ATP2A3: variants seen among roughly 807,000 people sequenced by gnomAD.
ATP2A3 encodes ATPase sarcoplasmic/endoplasmic reticulum Ca2+ transporting 3.
ATP2A3 carries 61 observed loss-of-function variants against 106.8 expected under a neutral mutation model. The observed-to-expected ratio is 0.57, with a 90% CI of 0.46 to 0.71. The LOEUF is 0.71. Ranked by LOEUF, ATP2A3 falls within the 30% of genes least tolerant of loss-of-function variation. ATP2A3 has a pLI of 0.00. For synonymous variants in ATP2A3, 611 were observed against 609.3 expected (o/e 1.00, Z -0.04); for missense variants, 1,201 against 1,423.5 (o/e 0.84, Z 2.52).
intron 1 of ATP2A3, among the ~76,000 whole-genome samples, chr17:3,959,986 G>T (rs986743406): frequency 2.0e-5 from 3 of 152,306 alleles, no homozygotes; most frequent in African/African-American, 7.2e-5. Context: ...GCTCCTGGGG[G>T]GCTTCAGCTG....
At position 3,939,929 on chromosome 17, in the gene ATP2A3, GA is replaced by G. The variant is rs1035208861; in HGVS notation, c.2100+1041del. 5.5e-3 allele frequency among the ~76,000 whole-genome samples: 783 copies of G among 142,930 alleles called. 19 individuals carry two copies. The highest frequency in any genetic ancestry group is 0.03 in the Admixed American group (420 of 14,190). 93.8% of individuals were successfully genotyped at this position (142,930 alleles called of 152,430 possible). A position where few individuals can be genotyped will look rare whatever the true frequency, so the allele number is the denominator to read the frequency against. On this transcript the variant is annotated intron_variant, in intron 14 of 20. Transcript: ENST00000397041. ...AGGGCAGATAAAACTCATATACGGT[GA>G]AAAAAAAAACCGAAAACAGTGATCG...
rs528088841 is a variant in ATP2A3, at chr17:3,935,740, G to A, written c.2525-463C>T. Among the ~76,000 whole-genome samples the A allele has an allele frequency of 2.4e-4, 36 of 152,112 alleles. 1 individual carries two copies. Among genetic ancestry groups the A allele is most frequent in the South Asian group, 6.2e-4 (3 of 4,810 alleles). ...TTTAGTAGAGATGGGGTTTCACCAC[G>A]TTGGCCAGGCTGGTCTCAAACTCCT... On this transcript the variant is annotated intron_variant, in intron 16 of 20. Coordinates refer to ENST00000397041, the MANE Select transcript of ATP2A3 (RefSeq NM_005173.4).
chr17:3,931,368 C>G (rs544872283), intron 17 of ATP2A3, among the ~76,000 whole-genome samples: 1 of 152,206 alleles, frequency 6.6e-6, no homozygotes, highest in Non-Finnish European at 1.5e-5. Context: ...CAGAATCGTG[C>G]TAAGAGGCTG....
At chr17:3,944,077 C>T (rs1490772132) in intron 10 of ATP2A3, among the ~76,000 whole-genome samples, 2 of 152,170 alleles carry the variant, frequency 1.3e-5, no homozygotes, top group African/African-American at 4.8e-5. Flanking sequence ...CTCCCCTCTC[C>T]CCAAGGCTCC....
In ATP2A3 at chr17:3,953,351, G is replaced by C; in HGVS notation, c.215C>G (p.Ser72Cys). Residue 72 changes from serine to cysteine, a missense_variant, in exon 3 of 21, where the codon TCC becomes TGC. Transcript: ENST00000397041. The surrounding 1 kb of genome is among the most constrained non-coding windows in gnomAD (Gnocchi z 5.1). ...VRILLLAALV[S>C]FVLAWFEEGE... ...GGCTGGCAGGGCCCTACTTACAAAGGAGACAAGGGCAGCCAGCAGCAGGAT... is the reference window on the plus strand; with the variant it reads ...GGCTGGCAGGGCCCTACTTACAAAGCAGACAAGGGCAGCCAGCAGCAGGAT... 1 of 1,613,942 alleles carries C rather than the reference G, an allele frequency of 6.2e-7. No individual in the cohort carries two copies. The highest frequency in any genetic ancestry group is 8.5e-7 in the Non-Finnish European group (1 of 1,179,992).
chr17:3,951,543 A>ACCCCCCCCCCCCCCCCCCCCCCCC, intron 4 of ATP2A3, 38 bp downstream of exon 4: 9 of 1,387,000 alleles, frequency 6.5e-6, no homozygotes, highest in Non-Finnish European at 8.9e-6. Flanking sequence ...TGGCTGGGAG[A>ACCCCCCCCCCCCCCCCCCCCCCCC]CCGCCCCCCG....
intron 10 of ATP2A3, 117 bp downstream of exon 10, chr17:3,944,587 T>C (rs867020826): frequency 3.5e-5 from 36 of 1,037,776 alleles, no homozygotes; most frequent in African/African-American, 2.5e-4. Flanking sequence ...CCGTGCTCCC[T>C]GGGTGTGGCA....
At chr17:3,931,914 T>A (rs2053124275) in intron 17 of ATP2A3, among the ~76,000 whole-genome samples, 1 of 152,218 alleles carries the variant, frequency 6.6e-6, no homozygotes, top group Non-Finnish European at 1.5e-5. Context: ...TGATCTACTG[T>A]CTGTCGCATA....
At position 3,964,250 on chromosome 17, in the gene ATP2A3, G is replaced by T; in HGVS notation, c.42C>A (p.Arg14=). The T allele has an allele frequency of 7.8e-7, 1 of 1,284,914 alleles. No individual in the cohort carries two copies. Among genetic ancestry groups the T allele is most frequent in the South Asian group, 1.7e-5 (1 of 59,536 alleles). 79.6% of individuals were successfully genotyped at this position (1,284,914 alleles called of 1,614,324 possible). ...CGCCCTCGGCTGTCACCGAGAAGTG[G>T]CGCAGCACGTCGGCGGCCGGGAGCA... ...AHLLPAADVL[R]HFSVTAEGGL... The change falls in exon 1 of 21, where the codon CGC becomes CGA. Residue 14 remains arginine (R), a synonymous_variant. Transcript: ENST00000397041.
rs1378808853 is a variant in ATP2A3, at chr17:3,930,849, A to G, written c.2611-415T>C. The G allele has an allele frequency of 3.1e-6, 1 of 322,366 alleles. No individual in the cohort carries two copies. Among genetic ancestry groups the G allele is most frequent in the African/African-American group, 2.2e-5 (1 of 46,442 alleles). The allele number at this position is 322,366 out of a possible 1,614,324, so 20.0% of individuals were successfully genotyped here. A position where few individuals can be genotyped will look rare whatever the true frequency, so the allele number is the denominator to read the frequency against. ...GGCTACGCAGGCCCTGTTCACTGTT[A>G]TTAAGATTCCATTTACAGCTGGGCG... On this transcript the variant is annotated intron_variant, in intron 17 of 20. Transcript: ENST00000397041. The surrounding 1 kb of genome is among the most constrained non-coding windows in gnomAD (Gnocchi z 5.4).
chr17:3,927,940 G>A lies in ATP2A3; in HGVS notation c.2980+723C>T, dbSNP rs371734562. On this transcript the variant is annotated intron_variant, in intron 20 of 20. Transcript: ENST00000397041. ...CCCCTGCACAGCAGTCCAGCCATAC[G>A]GCCACCGCCTCTGCGCAAATTCCCA... 6.1e-5 allele frequency: 98 copies of A among 1,611,856 alleles called. 2 individuals carry two copies. The Middle Eastern group carries it at 9.9e-4, about 16-fold the overall frequency.
rs371442835 is a variant in ATP2A3 at position 3,929,331 on chromosome 17, C to T, written c.2859G>A (p.Leu953=). ...LHFLILLVPP[L]PLIFQVTPLS... is the part of the protein sequence containing the mutation. ...TGGGGCAGGCGGGGTGACTCACAGG[C>T]AGGGGCGGCACGAGCAGGATGAGGA... is the stretch of plus-strand genomic sequence containing the variant. Residue 953 remains leucine, a synonymous_variant, in exon 19 of 21, where the codon CTG becomes CTA. Coordinates refer to ENST00000397041, the MANE Select transcript of ATP2A3 (RefSeq NM_005173.4). This position sits in a 1 kb window ranked among gnomAD's most constrained non-coding sequence, Gnocchi z 4.3. The T allele has an allele frequency of 1.3e-6, 2 of 1,550,844 alleles. No individual in the cohort carries two copies. The highest frequency in any genetic ancestry group is 1.7e-6 in the Non-Finnish European group (2 of 1,147,438).
At position 3,951,676 on chromosome 17, in the gene ATP2A3, A is replaced by G; in HGVS notation, c.229T>C (p.Trp77Arg). The stretch of plus-strand genomic sequence containing the variant: ...GTGGTCTCCTCGCCCTCCTCGAACC[A>G]GGCCAGGACCTGCAGGATCACAGCT... The part of the protein sequence containing the change: ...LAALVSFVLA[W>R]FEEGEETTTA... The change falls in exon 4 of 21, where the codon TGG (tryptophan) becomes CGG (arginine). Residue 77 changes from tryptophan (W) to arginine (R), a missense_variant. By Grantham distance (101) the Trp-to-Arg change is moderately radical (BLOSUM62 -3). Coordinates refer to ENST00000397041, the MANE Select transcript of ATP2A3 (RefSeq NM_005173.4). 1.2e-6 allele frequency: 2 copies of G among 1,608,770 alleles called. No individual in the cohort carries two copies. The highest frequency in any genetic ancestry group is 8.5e-7 in the Non-Finnish European group (1 of 1,178,238).
chr17:3,928,413 G>A lies in ATP2A3; in HGVS notation c.2980+250C>T. The A allele has an allele frequency of 7.5e-7, 1 of 1,335,842 alleles. No homozygotes were observed. The highest frequency in any genetic ancestry group is 1.2e-5 in the South Asian group (1 of 81,568). The allele number at this position is 1,335,842 out of a possible 1,614,324, so 82.7% of individuals were successfully genotyped here. A position where few individuals can be genotyped will look rare whatever the true frequency, so the allele number is the denominator to read the frequency against. ...GGGGGTGGCAGGTGAAGACAGTGAG[G>A]CAGTGTGGCCCAAGAGGTGCTCCCG... On this transcript the variant is annotated intron_variant, in intron 20 of 20. Coordinates refer to ENST00000397041, the MANE Select transcript of ATP2A3 (RefSeq NM_005173.4). This position sits in a 1 kb window ranked among gnomAD's most constrained non-coding sequence, Gnocchi z 6.1.
In ATP2A3 at chr17:3,936,490, C is replaced by T; in HGVS notation, c.2322-21G>A. On this transcript the variant is annotated intron_variant, in intron 15 of 20. Coordinates refer to ENST00000397041, the MANE Select transcript of ATP2A3 (RefSeq NM_005173.4). The surrounding 1 kb of genome is among the most constrained non-coding windows in gnomAD (Gnocchi z 5.4). ...AGATGCTGGAACAGAGTCATGAGCT[C>T]TAGCCCCGGTAGGCCTAGCCCCCGG... 2.5e-6 allele frequency: 4 copies of T among 1,613,166 alleles called. No individual in the cohort carries two copies. The highest frequency in any genetic ancestry group is 3.4e-6 in the Non-Finnish European group (4 of 1,179,828).
chr17:3,959,750 G>A (rs1053755274), intron 1 of ATP2A3, among the ~76,000 whole-genome samples: 9 of 152,232 alleles, frequency 5.9e-5, no homozygotes, highest in African/African-American at 4.8e-5. Context: ...CTGTGTCTCC[G>A]GGGTCCACCT....
chr17:3,951,230 A>G, intron 5 of ATP2A3, 21 bp downstream of exon 5: 2 of 1,414,716 alleles, frequency 1.4e-6, no homozygotes, highest in Non-Finnish European at 1.8e-6. Context: ...AATAAAATAA[A>G]AGGAGGAGGC....
At chr17:3,943,298 A>G (rs1174337030) in intron 11 of ATP2A3, 93 bp downstream of exon 11, 1 of 1,551,254 alleles carries the variant, frequency 6.4e-7, no homozygotes. Context: ...AAAACGAAAC[A>G]AAACAAAAAC....
chr17:3,955,008 G>A lies in ATP2A3; in HGVS notation c.119-1298C>T, dbSNP rs1045529586. Among the ~76,000 whole-genome samples the A allele has an allele frequency of 1.3e-5, 2 of 152,204 alleles. No homozygotes were observed. The highest frequency in any genetic ancestry group is 2.4e-5 in the African/African-American group (1 of 41,446). On this transcript the variant is annotated intron_variant, in intron 1 of 20. Coordinates refer to ENST00000397041, the MANE Select transcript of ATP2A3 (RefSeq NM_005173.4). This position sits in a 1 kb window ranked among gnomAD's most constrained non-coding sequence, Gnocchi z 4.2. Reference sequence around the variant, plus strand: ...ACAGTGAGTGAGTGGGTCTGTGTGGGGATGAGAGGGGCGGGAGCCAGGCTC... The same window carrying A: ...ACAGTGAGTGAGTGGGTCTGTGTGGAGATGAGAGGGGCGGGAGCCAGGCTC...
Sources: allele counts gnomAD v4.1 joint callset (sites outside exome capture counted in the v4.1 genomes callset), GRCh38; gene constraint gnomAD v4.1.1; non-coding constraint Gnocchi (gnomAD v3.1); transcripts MANE v1.5; gene names NCBI Gene and HGNC (gene_info 2026-07-23, HGNC 2026-07-21).